The following FBXL4 variants were observed in gnomAD, a reference collection of about 807,000 sequenced individuals.
FBXL4 encodes F-box/LRR-repeat protein 4.
In FBXL4, 40 loss-of-function variants were observed where a neutral mutation model predicts 58.9. The ratio of observed to expected loss-of-function variants is 0.68; its 90% CI spans 0.53 to 0.88. The LOEUF is 0.88. Ranked by LOEUF, FBXL4 falls within the 40% of genes least tolerant of loss-of-function variation. FBXL4 has a pLI of 0.00. For synonymous variants in FBXL4, 263 were observed against 265.5 expected (o/e 0.99, Z 0.09); for missense variants, 676 against 734.4 (o/e 0.92, Z 0.92).
intron 7 of FBXL4, among the ~76,000 whole-genome samples, chr6:98,896,511 G>A (rs776119116): frequency 3.2e-4 from 49 of 152,106 alleles, no homozygotes; most frequent in South Asian, 2.1e-4. Context: ...CAATGAGTTC[G>A]GAGGCATTAA....
In FBXL4 at chr6:98,907,507, T is replaced by C. The variant is rs149696474; in HGVS notation, c.859-1837A>G. Among the ~76,000 whole-genome samples the C allele has an allele frequency of 6.9e-3, 1,055 of 152,304 alleles. 3 individuals carry two copies. Among genetic ancestry groups the C allele is most frequent in the Non-Finnish European group, 0.012 (804 of 68,020 alleles). On this transcript the variant is annotated intron_variant, in intron 5 of 9. Coordinates refer to ENST00000369244, the MANE Select transcript of FBXL4 (RefSeq NM_001278716.2). ...GAAGGCAGAATTCAAGAGATTGTTA[T>C]CTCTAATTAAAATTATCTTCTTGAA...
At chr6:98,933,382 C>T (rs1289597372) in intron 2 of FBXL4, among the ~76,000 whole-genome samples, 2 of 152,112 alleles carry the variant, frequency 1.3e-5, no homozygotes, top group African/African-American at 4.8e-5. Context: ...TTTGAGCCCG[C>T]CTTCCCCTTC....
intron 2 of FBXL4, among the ~76,000 whole-genome samples, chr6:98,931,288 A>T (rs895309992): frequency 5.3e-5 from 8 of 152,264 alleles, no homozygotes; most frequent in African/African-American, 1.9e-4. Flanking sequence ...AGATTATAAG[A>T]TAATATCAAA....
At position 98,886,908 on chromosome 6, in the gene FBXL4, G is replaced by A. The variant is rs112425755; in HGVS notation, c.1318-6284C>T. ...CAGACTGGGACAATAAGATTCTCAT[G>A]ATACAGTTTGAGATAAATTCCCTAT... On this transcript the variant is annotated intron_variant, in intron 7 of 9. Coordinates refer to ENST00000369244, the MANE Select transcript of FBXL4 (RefSeq NM_001278716.2). Among the ~76,000 whole-genome samples, 155 of 152,274 alleles carry A rather than the reference G, an allele frequency of 1.0e-3. 1 individual carries two copies. The highest frequency in any genetic ancestry group is 3.5e-3 in the African/African-American group (144 of 41,568).
intron 5 of FBXL4, among the ~76,000 whole-genome samples, chr6:98,911,945 G>C (rs1002995475): frequency 6.6e-6 from 1 of 152,152 alleles, no homozygotes; most frequent in Non-Finnish European, 1.5e-5. Context: ...TTAGACAAAT[G>C]TATAACTAGA....
chr6:98,909,841 G>C (rs1326487257), intron 5 of FBXL4, among the ~76,000 whole-genome samples: 1 of 152,134 alleles, frequency 6.6e-6, no homozygotes, highest in Non-Finnish European at 1.5e-5. Flanking sequence ...GTCTGGGTGG[G>C]ATCCTGGTCC....
chr6:98,897,200 TTA>T (rs1771439603), intron 7 of FBXL4: 1 of 985,250 alleles, frequency 1.0e-6, no homozygotes, highest in Non-Finnish European at 1.2e-6. Flanking sequence ...AGGATTTCGT[TTA>T]TAGTACTTAG....
rs1772794623 is a variant in FBXL4 at position 98,926,699 on chromosome 6, AAC to A, written c.288_289del (p.Phe97SerfsTer12). The A allele has an allele frequency of 6.2e-7, 1 of 1,614,232 alleles. No individual in the cohort carries two copies. Among genetic ancestry groups the A allele is most frequent in the Non-Finnish European group, 8.5e-7 (1 of 1,180,044 alleles). ...ATCCCACCATGTCCCATAAGTTCGA[AAC>A]ACAGCTGTCTGAGTAAAGTCACCAG... On this transcript the variant is annotated frameshift_variant, in exon 4 of 10. Transcript: ENST00000369244. LOFTEE classifies it high-confidence loss of function.
At chr6:98,929,881 C>T (rs1451453431) in intron 2 of FBXL4, among the ~76,000 whole-genome samples, 1 of 152,072 alleles carries the variant, frequency 6.6e-6, no homozygotes, top group East Asian at 1.9e-4. Context: ...GGAAAGTCAC[C>T]AGAGGAAATC....
rs111226417 is a variant in FBXL4, at chr6:98,874,188, C to G, written c.*90G>C. ...AATCTACAAATGTCTTAATTCTTAC[C>G]ATTAAAACAACTAAAAACAAAACCC... On this transcript the variant is annotated 3_prime_UTR_variant, in exon 10 of 10. Transcript: ENST00000369244. The G allele has an allele frequency of 1.3e-3, 1,223 of 937,880 alleles. 13 individuals are homozygous for G. The African/African-American group carries it at 0.019, about 14-fold the overall frequency. The allele number at this position is 937,880 out of a possible 1,614,324, so 58.1% of individuals were successfully genotyped here.
At chr6:98,935,198 T>A (rs942518023) in intron 1 of FBXL4, among the ~76,000 whole-genome samples, 32 of 152,116 alleles carry the variant, frequency 2.1e-4, no homozygotes, top group African/African-American at 7.7e-4. Flanking sequence ...TCTAAACTTC[T>A]GAAATATTTC....
At chr6:98,891,722 C>CAAA (rs34788813) in intron 7 of FBXL4, among the ~76,000 whole-genome samples, 2 of 108,396 alleles carry the variant, frequency 1.8e-5, no homozygotes, top group East Asian at 2.2e-4. Flanking sequence ...CTATCTCTAC[C>CAAA]AAAAAAAAAA....
At chr6:98,885,896 T>A (rs9388814) in intron 7 of FBXL4, among the ~76,000 whole-genome samples, 5 of 152,074 alleles carry the variant, frequency 3.3e-5, no homozygotes, top group African/African-American at 7.2e-5. Context: ...TGATCCCTTG[T>A]GGGGAAGCCA....
At chr6:98,921,046 TCA>T (rs949884727) in intron 4 of FBXL4, among the ~76,000 whole-genome samples, 2 of 152,192 alleles carry the variant, frequency 1.3e-5, no homozygotes, top group African/African-American at 4.8e-5. Flanking sequence ...ATCTCAAGTA[TCA>T]CATGTGCAAA....
chr6:98,940,932 T>G (rs1201131007), intron 1 of FBXL4, among the ~76,000 whole-genome samples: 1 of 152,142 alleles, frequency 6.6e-6, no homozygotes, highest in African/African-American at 2.4e-5. Flanking sequence ...TAATCAAATT[T>G]TAAGATACCA....
intron 7 of FBXL4, among the ~76,000 whole-genome samples, chr6:98,892,047 T>C (rs992823293): frequency 1.3e-5 from 2 of 152,136 alleles, no homozygotes; most frequent in African/African-American, 2.4e-5. Context: ...CCTATTCCCA[T>C]TGAAAGTTCT....
chr6:98,884,440 T>C (rs983966129), intron 7 of FBXL4, among the ~76,000 whole-genome samples: 4 of 152,112 alleles, frequency 2.6e-5, no homozygotes, highest in African/African-American at 4.8e-5. Context: ...ATATTTGAGA[T>C]TTTTCCTCAA....
At chr6:98,939,274 T>C (rs999994803) in intron 1 of FBXL4, among the ~76,000 whole-genome samples, 1 of 152,176 alleles carries the variant, frequency 6.6e-6, no homozygotes, top group Non-Finnish European at 1.5e-5. Flanking sequence ...CAGTAGCAGC[T>C]GCTTTCCTGT....
chr6:98,900,534 C>A (rs538333257), intron 6 of FBXL4, among the ~76,000 whole-genome samples: 1 of 152,306 alleles, frequency 6.6e-6, no homozygotes, highest in Admixed American at 6.5e-5. Flanking sequence ...TTGGAAAAGG[C>A]ATCTACTCAA....
Sources: gnomAD v4.1 joint callset for allele counts (sites outside exome capture counted in the v4.1 genomes callset) on GRCh38, gnomAD v4.1.1 for gene constraint, MANE v1.5 for transcripts, NCBI Gene and HGNC (gene_info 2026-07-23, HGNC 2026-07-21) for gene names.